Variants in PAK1 observed in about 807,000 individuals in gnomAD.
PAK1 encodes serine/threonine-protein kinase PAK 1.
In PAK1, 29 loss-of-function variants were observed where a neutral mutation model predicts 67.4. That is an observed-to-expected ratio of 0.43 (90% CI 0.32 to 0.59). The LOEUF (loss-of-function observed/expected upper bound fraction) is 0.59. Among genes scored for constraint, PAK1 ranks in the 20% least tolerant of loss-of-function variants. The pLI, the probability that PAK1 is intolerant of heterozygous loss-of-function variation, is 0.07. For synonymous variants in PAK1, 223 were observed against 237.4 expected, an observed-to-expected ratio of 0.94 and a Z score of 0.56; for missense variants, 337 against 670.7, an observed-to-expected ratio of 0.50 and a Z score of 5.50.
At chr11:77,490,290 G>GCAC in the PAK1 span, among the ~76,000 whole-genome samples, 1 of 80,568 alleles carries the variant, frequency 1.2e-5, no homozygotes, top group Non-Finnish European at 2.4e-5. Context: ...GTGGGGGTCA[G>GCAC]CCCCCCCACC....
intron 1 of PAK1, among the ~76,000 whole-genome samples, chr11:77,462,180 A>G (rs1957379002): frequency 6.6e-6 from 1 of 152,066 alleles, no homozygotes; most frequent in Non-Finnish European, 1.5e-5. Flanking sequence ...CAAAAAAAAA[A>G]ATTAGCCAGG....
intron 1 of PAK1, among the ~76,000 whole-genome samples, chr11:77,405,741 C>T (rs1483807653): frequency 6.6e-6 from 1 of 150,620 alleles, no homozygotes; most frequent in South Asian, 2.1e-4. Flanking sequence ...ACATCCTCCT[C>T]CAAATACCAC....
intron 4 of PAK1, among the ~76,000 whole-genome samples, chr11:77,377,583 C>T (rs1010211738): frequency 4.6e-5 from 7 of 152,120 alleles, no homozygotes; most frequent in African/African-American, 1.2e-4. Flanking sequence ...TACATATGTT[C>T]GTTCATGAAT....
At chr11:77,390,186 A>AT (rs1950948144) in intron 2 of PAK1, among the ~76,000 whole-genome samples, 1 of 152,122 alleles carries the variant, frequency 6.6e-6, no homozygotes, top group African/African-American at 2.4e-5. Flanking sequence ...CACCTTACCC[A>AT]TATCTTTTAT....
intron 14 of PAK1, 54 bp downstream of exon 14, chr11:77,332,676 G>T: frequency 6.7e-7 from 1 of 1,485,674 alleles, no homozygotes; most frequent in Non-Finnish European, 9.4e-7. Flanking sequence ...AAGTAAAAAA[G>T]GCCTGGTTTA....
rs148145947 is a variant in PAK1 at position 77,353,292 on chromosome 11, C to A, written c.836+244G>T. 2 of 402,882 alleles carry A rather than the reference C, an allele frequency of 5.0e-6. 1 individual carries two copies. The highest frequency in any genetic ancestry group is 9.8e-5 in the South Asian group (2 of 20,382). The allele number at this position is 402,882 out of a possible 1,614,324, so 25.0% of individuals were successfully genotyped here. A position where few individuals can be genotyped will look rare whatever the true frequency, so the allele number is the denominator to read the frequency against. On this transcript the variant is annotated intron_variant, in intron 8 of 14. Transcript: ENST00000356341. ...GTTGGTTTTGTGCTAAGAAAAAAAACCGTTCTCTCACTGTCACTGCAGGGG... is the reference window on the plus strand; with the variant it reads ...GTTGGTTTTGTGCTAAGAAAAAAAAACGTTCTCTCACTGTCACTGCAGGGG...
chr11:77,379,484 G>A, intron 3 of PAK1, 96 bp from the exon 4 acceptor site: 1 of 1,123,822 alleles, frequency 8.9e-7, no homozygotes, highest in South Asian at 1.5e-5. Context: ...AGCAGCAAAA[G>A]ATGCATTTAT....
intron 1 of PAK1, among the ~76,000 whole-genome samples, chr11:77,470,675 C>G (rs1278016140): frequency 6.6e-6 from 1 of 152,110 alleles, no homozygotes; most frequent in Non-Finnish European, 1.5e-5. Context: ...CCCTATATAG[C>G]TTTAAGTATC....
In PAK1 at chr11:77,353,452, G is replaced by C. The variant is rs775707711; in HGVS notation, c.836+84C>G. The C allele has an allele frequency of 4.5e-6, 4 of 896,328 alleles. No homozygotes were observed. The African/African-American group carries it at 6.7e-5, about 15-fold the overall frequency. 55.5% of individuals were successfully genotyped at this position (896,328 alleles called of 1,614,324 possible). A position where few individuals can be genotyped will look rare whatever the true frequency, so the allele number is the denominator to read the frequency against. On this transcript the variant is annotated intron_variant, in intron 8 of 14. Coordinates refer to ENST00000356341, the MANE Select transcript of PAK1 (RefSeq NM_002576.5). ...GGAGAAAGAAGAACAAGGTTTATGA[G>C]AGGCAAAAAAAAAGCAAAATCATAT...
chr11:77,407,837 C>G (rs949177985), intron 1 of PAK1, among the ~76,000 whole-genome samples: 2 of 152,182 alleles, frequency 1.3e-5, no homozygotes, highest in Non-Finnish European at 1.5e-5. Context: ...TTAACAGGGA[C>G]GAAGTCTGTT....
chr11:77,422,626 C>T (rs1364415940), intron 1 of PAK1, among the ~76,000 whole-genome samples: 3 of 151,990 alleles, frequency 2.0e-5, no homozygotes, highest in African/African-American at 4.8e-5. Flanking sequence ...TCCCTTCATC[C>T]TTGCCAATTT....
intron 9 of PAK1, among the ~76,000 whole-genome samples, chr11:77,346,681 T>C (rs1398104646): frequency 1.3e-5 from 2 of 152,208 alleles, no homozygotes; most frequent in African/African-American, 4.8e-5. Context: ...GTTTATCAAA[T>C]ACCAACTGTG....
At chr11:77,509,182 C>T in the PAK1 span, among the ~76,000 whole-genome samples, 1,830 of 151,482 alleles carry the variant, frequency 0.012, 20 homozygotes, top group Non-Finnish European at 0.018. Context: ...GGCGTGAACC[C>T]GGGAGGCGGA....
upstream of PAK1, chr11:77,474,886 T>G (rs749417458): frequency 6.6e-6 from 1 of 152,174 alleles, no homozygotes; most frequent in Non-Finnish European, 1.5e-5. Flanking sequence ...TCTTCGTACC[T>G]CAGATTCAAC....
chr11:77,499,245 T>C, the PAK1 span, among the ~76,000 whole-genome samples: 5 of 152,098 alleles, frequency 3.3e-5, no homozygotes, highest in Admixed American at 1.3e-4. Flanking sequence ...TTTCTTTGTG[T>C]TGAGATGGGG....
At chr11:77,507,073 A>G in the PAK1 span, among the ~76,000 whole-genome samples, 2 of 152,234 alleles carry the variant, frequency 1.3e-5, no homozygotes, top group Admixed American at 1.3e-4. Context: ...GATCTAGCAG[A>G]GAAAAAAGCT....
chr11:77,445,468 C>T (rs1181613811), intron 1 of PAK1, among the ~76,000 whole-genome samples: 1 of 152,122 alleles, frequency 6.6e-6, no homozygotes, highest in African/African-American at 2.4e-5. Context: ...TTAATGAAAT[C>T]AAAGTTTTTT....
intron 13 of PAK1, among the ~76,000 whole-genome samples, chr11:77,333,536 A>T (rs549422357): frequency 6.6e-6 from 1 of 152,176 alleles, no homozygotes; most frequent in African/African-American, 2.4e-5. Context: ...AGGGTTTATT[A>T]TCCATTTAGC....
At chr11:77,463,671 G>C (rs1957465210) in intron 1 of PAK1, among the ~76,000 whole-genome samples, 1 of 152,240 alleles carries the variant, frequency 6.6e-6, no homozygotes, top group Admixed American at 6.5e-5. Context: ...GAGGAGAAGA[G>C]AGACTTTGGC....
Sources: allele counts gnomAD v4.1 joint callset (sites outside exome capture counted in the v4.1 genomes callset), GRCh38; gene constraint gnomAD v4.1.1; transcripts MANE v1.5; gene names NCBI Gene and HGNC (gene_info 2026-07-23, HGNC 2026-07-21).